LIMS1: variants seen among roughly 807,000 people sequenced by gnomAD.
LIMS1 encodes the protein LIM zinc finger domain containing 1, also known as LIM and senescent cell antigen-like-containing domain protein 1.
Under a neutral mutation model 44.1 loss-of-function variants are expected in LIMS1, and 18 were observed. The observed-to-expected ratio is 0.41, with a 90% CI of 0.28 to 0.61. The LOEUF (loss-of-function observed/expected upper bound fraction) is 0.61, where lower values mean the gene tolerates loss of function less well. Among genes scored for constraint, LIMS1 ranks in the 20% least tolerant of loss-of-function variants. The probability of loss-of-function intolerance (pLI) is 0.32; values close to 1 mark genes in which losing one functional copy is unlikely to be tolerated. For synonymous variants in LIMS1, 93 were observed against 149.1 expected, an observed-to-expected ratio of 0.62 and a Z score of 2.74; for missense variants, 201 against 422.0, an observed-to-expected ratio of 0.48 and a Z score of 4.59.
chr2:108,643,838 C>T (rs187795872), intron 1 of LIMS1, among the ~76,000 whole-genome samples: 4 of 152,272 alleles, frequency 2.6e-5, no homozygotes, highest in African/African-American at 9.6e-5. Flanking sequence ...GGGGAAGGGG[C>T]GTCTGCCATT....
At chr2:108,541,112 C>T (rs1466555728) in intron 1 of LIMS1, among the ~76,000 whole-genome samples, 1 of 152,174 alleles carries the variant, frequency 6.6e-6, no homozygotes, top group Non-Finnish European at 1.5e-5. Flanking sequence ...TTGTTGAAGA[C>T]CTGGTATTCC....
At chr2:108,555,264 A>C (rs964724037) in intron 1 of LIMS1, among the ~76,000 whole-genome samples, 1 of 152,188 alleles carries the variant, frequency 6.6e-6, no homozygotes, top group African/African-American at 2.4e-5. Context: ...ATAATGAAGC[A>C]TAGCTGTGAC....
chr2:108,616,448 CT>C (rs796322071), intron 1 of LIMS1, among the ~76,000 whole-genome samples: 65 of 152,226 alleles, frequency 4.3e-4, no homozygotes, highest in African/African-American at 1.4e-3. Context: ...TGGGCTCAAG[CT>C]GTCTGTTCAC....
chr2:108,571,901 C>G (rs1419875478), intron 1 of LIMS1, among the ~76,000 whole-genome samples: 3 of 152,210 alleles, frequency 2.0e-5, no homozygotes, highest in African/African-American at 7.2e-5. Flanking sequence ...AGCTGCTCTT[C>G]CAGAGCTCAA....
At chr2:108,597,525 G>A (rs1436333149) in intron 1 of LIMS1, among the ~76,000 whole-genome samples, 10 of 152,014 alleles carry the variant, frequency 6.6e-5, no homozygotes, top group South Asian at 4.1e-4. Context: ...AGTTCTTTCC[G>A]GCAGGTTGCC....
chr2:108,561,592 A>G (rs1433667725), intron 1 of LIMS1, among the ~76,000 whole-genome samples: 1 of 151,628 alleles, frequency 6.6e-6, no homozygotes, highest in Non-Finnish European at 1.5e-5. Flanking sequence ...GGATTGTAAA[A>G]CCCTACGTCA....
chr2:108,600,919 T>C (rs1309263194), intron 1 of LIMS1, among the ~76,000 whole-genome samples: 1 of 151,656 alleles, frequency 6.6e-6, no homozygotes, highest in Non-Finnish European at 1.5e-5. Flanking sequence ...TTCTCTTCTC[T>C]TCTCTTCTCT....
chr2:108,629,463 C>T (rs1032013997), intron 1 of LIMS1, among the ~76,000 whole-genome samples: 1 of 152,248 alleles, frequency 6.6e-6, no homozygotes, highest in South Asian at 2.1e-4. Flanking sequence ...TTCAAAAAGC[C>T]AGTCAGTGTT....
chr2:108,589,527 T>C (rs1049058135), intron 1 of LIMS1, among the ~76,000 whole-genome samples: 1 of 152,224 alleles, frequency 6.6e-6, no homozygotes, highest in Non-Finnish European at 1.5e-5. Flanking sequence ...GTTCTGATCT[T>C]TGTTATTTCC....
chr2:108,602,404 G>T (rs1055602820), intron 1 of LIMS1, among the ~76,000 whole-genome samples: 12 of 152,226 alleles, frequency 7.9e-5, no homozygotes, highest in African/African-American at 2.6e-4. Flanking sequence ...GTTTTTCCCC[G>T]CAGTATGATA....
chr2:108,557,118 C>T (rs968021558), intron 1 of LIMS1, among the ~76,000 whole-genome samples: 10 of 152,198 alleles, frequency 6.6e-5, no homozygotes, highest in African/African-American at 2.4e-4. Flanking sequence ...CACTGTGTCT[C>T]CCAGGCTAGA....
chr2:108,662,516 T>C (rs1403479977), intron 2 of LIMS1: 2 of 1,320,960 alleles, frequency 1.5e-6, no homozygotes, highest in Non-Finnish European at 2.0e-6. Context: ...TCAAGATCTG[T>C]TGGGTCCTGA....
intron 1 of LIMS1, among the ~76,000 whole-genome samples, chr2:108,596,703 A>G (rs1391131362): frequency 1.3e-5 from 2 of 152,252 alleles, no homozygotes; most frequent in Admixed American, 6.5e-5. Context: ...CATGCCTGTA[A>G]TCCCAGCTAC....
At chr2:108,566,496 C>T (rs937775958) in intron 1 of LIMS1, among the ~76,000 whole-genome samples, 51 of 152,334 alleles carry the variant, frequency 3.3e-4, no homozygotes, top group African/African-American at 1.2e-3. Context: ...GGTGGCAGAG[C>T]TGTTAGAGTT....
intron 1 of LIMS1, among the ~76,000 whole-genome samples, chr2:108,545,166 T>C (rs935326488): frequency 1.5e-4 from 23 of 152,232 alleles, no homozygotes; most frequent in African/African-American, 2.4e-5. Flanking sequence ...TTGTTGCTGT[T>C]GTTGAAGAAA....
chr2:108,639,613 C>T (rs796991295), intron 1 of LIMS1, among the ~76,000 whole-genome samples: 19 of 152,220 alleles, frequency 1.2e-4, no homozygotes, highest in African/African-American at 3.4e-4. Flanking sequence ...CCACCACACC[C>T]GGCTAATTTT....
At chr2:108,680,139 G>A (rs1191317102) in intron 8 of LIMS1, among the ~76,000 whole-genome samples, 1 of 152,034 alleles carries the variant, frequency 6.6e-6, no homozygotes, top group Admixed American at 6.6e-5. Context: ...GGGAGGCCAA[G>A]ACGGGCGGAT....
intron 1 of LIMS1, among the ~76,000 whole-genome samples, chr2:108,583,208 T>A (rs1239316097): frequency 8.9e-5 from 2 of 22,370 alleles, no homozygotes; most frequent in African/African-American, 3.0e-4. Flanking sequence ...AATGTTTGTA[T>A]TTTTTTTTTT....
At chr2:108,677,212 C>T (rs140349581) in intron 7 of LIMS1, 4,459 of 153,176 alleles carry the variant, frequency 0.029, 146 homozygotes, top group South Asian at 0.14. Context: ...AAATCTGGAA[C>T]GTTTCCAGAG....
Sources: allele counts gnomAD v4.1 joint callset (sites outside exome capture counted in the v4.1 genomes callset), GRCh38; gene constraint gnomAD v4.1.1; transcripts MANE v1.5; gene names NCBI Gene and HGNC (gene_info 2026-07-23, HGNC 2026-07-21).